Variants in FGD3 observed in about 807,000 individuals in gnomAD.
The protein encoded by FGD3 is FYVE, RhoGEF and PH domain containing 3, also known as FYVE, RhoGEF and PH domain-containing protein 3.
Under a neutral mutation model 71.8 loss-of-function variants are expected in FGD3, and 45 were observed. That is an observed-to-expected ratio of 0.63 (90% confidence interval 0.49 to 0.80). The LOEUF (loss-of-function observed/expected upper bound fraction) is 0.80, where lower values mean the gene tolerates loss of function less well. FGD3 is among the 30% of genes least tolerant of loss of function. The pLI is 0.00. For missense variants in FGD3, 844 were observed against 951.5 expected (o/e 0.89, Z 1.49); for synonymous variants, 378 against 392.8 (o/e 0.96, Z 0.44).
intron 15 of FGD3, chr9:93,032,533 C>T (rs1013002925): frequency 3.7e-6 from 2 of 537,186 alleles, no homozygotes; most frequent in Admixed American, 6.3e-5. Flanking sequence ...GACTCCTGGA[C>T]TCTGGACCCT....
rs1053622101 is a variant in FGD3, at chr9:93,034,389, G to T, written c.1786-152G>T. The T allele has an allele frequency of 4.9e-6, 5 of 1,026,008 alleles. No individual in the cohort carries two copies. The African/African-American group carries it at 4.9e-5, about 10-fold the overall frequency. 63.6% of individuals were successfully genotyped at this position (1,026,008 alleles called of 1,614,324 possible). A position where few individuals can be genotyped will look rare whatever the true frequency, so the allele number is the denominator to read the frequency against. On this transcript the variant is annotated intron_variant, in intron 16 of 17. Coordinates refer to ENST00000375482, the MANE Select transcript of FGD3 (RefSeq NM_001083536.2). Reference sequence around the variant, plus strand: ...GCTTCTAGTGACCCTTGCAAGCCGGGTGAGGCTGGTCCCAGTCTCTGTGCA... The same window carrying T: ...GCTTCTAGTGACCCTTGCAAGCCGGTTGAGGCTGGTCCCAGTCTCTGTGCA...
chr9:93,021,529 A>C (rs1418859894), intron 13 of FGD3, among the ~76,000 whole-genome samples: 2 of 152,144 alleles, frequency 1.3e-5, no homozygotes, highest in Non-Finnish European at 2.9e-5. Context: ...TAGCAAGGAC[A>C]TATCCAGGGA....
intron 3 of FGD3, among the ~76,000 whole-genome samples, chr9:92,991,361 G>A (rs558206006): frequency 1.3e-5 from 2 of 152,284 alleles, no homozygotes; most frequent in South Asian, 2.1e-4. Context: ...TTACAGGTGT[G>A]AGCCATTGCA....
At position 92,991,112 on chromosome 9, in the gene FGD3, C is replaced by T. The variant is rs535621887; in HGVS notation, c.454-11813C>T. Among the ~76,000 whole-genome samples, 134 of 151,856 alleles carry T rather than the reference C, an allele frequency of 8.8e-4. 1 individual carries two copies. The highest frequency in any genetic ancestry group is 2.5e-3 in the African/African-American group (103 of 41,406). ...TTGTTTGTTTTTGAGAGAGTCTCAC[C>T]CTGTCACCCAGGCTGGAGTGCAGTG... On this transcript the variant is annotated intron_variant, in intron 3 of 17. Coordinates refer to ENST00000375482, the MANE Select transcript of FGD3 (RefSeq NM_001083536.2).
rs183718862 is a variant in FGD3, at chr9:93,014,582, T to G, written c.1182+584T>G. ...AAAACTCATTTTTGCTTTACAGTTC[T>G]GAGTTTTGACTAATACAGTTGTGAC... On this transcript the variant is annotated intron_variant, in intron 9 of 17. Coordinates refer to ENST00000375482, the MANE Select transcript of FGD3 (RefSeq NM_001083536.2). Among the ~76,000 whole-genome samples the G allele has an allele frequency of 5.6e-3, 852 of 152,298 alleles. 3 individuals are homozygous for G. Among genetic ancestry groups the G allele is most frequent in the Non-Finnish European group, 9.4e-3 (642 of 68,010 alleles).
intron 15 of FGD3, among the ~76,000 whole-genome samples, chr9:93,031,176 C>T (rs1862344330): frequency 1.3e-5 from 2 of 152,092 alleles, no homozygotes; most frequent in Admixed American, 1.3e-4. Flanking sequence ...GTGATCTGTG[C>T]CTCTTAAAGA....
intron 1 of FGD3, among the ~76,000 whole-genome samples, chr9:92,956,338 A>G (rs963254030): frequency 1.3e-5 from 2 of 152,202 alleles, no homozygotes; most frequent in African/African-American, 2.4e-5. Flanking sequence ...TTGGGGGACT[A>G]TTATGGGCCT....
chr9:92,956,834 C>CTTTTTTTTTTTT lies in FGD3; in HGVS notation c.-218+9108_-218+9109insTTTTTTTTTTTT, dbSNP rs34469364. ...TGAGATCCATCCATATAATTGCTTT[C>CTTTTTTTTTTTT]TTTCTTTTTTTTTTTTTTTTTGAAG... On this transcript the variant is annotated intron_variant, in intron 1 of 17. Coordinates refer to ENST00000375482, the MANE Select transcript of FGD3 (RefSeq NM_001083536.2). Among the ~76,000 whole-genome samples the CTTTTTTTTTTTT allele has an allele frequency of 1.6e-5, 2 of 127,748 alleles. 1 individual carries two copies. The highest frequency in any genetic ancestry group is 3.2e-5 in the Non-Finnish European group (2 of 62,320). 83.8% of individuals were successfully genotyped at this position (127,748 alleles called of 152,430 possible). A position where few individuals can be genotyped will look rare whatever the true frequency, so the allele number is the denominator to read the frequency against.
At chr9:92,975,963 T>C (rs1052966408) in intron 2 of FGD3, among the ~76,000 whole-genome samples, 1 of 152,216 alleles carries the variant, frequency 6.6e-6, no homozygotes, top group African/African-American at 2.4e-5. Context: ...TAATTTTTTT[T>C]ATGCGGAACA....
At chr9:92,989,190 A>G (rs768954772) in intron 3 of FGD3, among the ~76,000 whole-genome samples, 2 of 152,138 alleles carry the variant, frequency 1.3e-5, no homozygotes, top group Non-Finnish European at 2.9e-5. Context: ...AGCTGGGACT[A>G]CAGATGCGTG....
intron 1 of FGD3, among the ~76,000 whole-genome samples, chr9:92,948,115 C>T (rs1484099510): frequency 6.6e-6 from 1 of 152,016 alleles, no homozygotes; most frequent in African/African-American, 2.4e-5. Flanking sequence ...CCCATTCTTC[C>T]CATTTCTTTT....
intron 11 of FGD3, 131 bp from the exon 12 acceptor site, chr9:93,019,700 A>G: frequency 1.1e-6 from 1 of 891,562 alleles, no homozygotes; most frequent in Non-Finnish European, 1.8e-6. Flanking sequence ...CCTTGGGGCC[A>G]ATCTTCCAAT....
At chr9:93,029,385 G>A (rs1292377996) in intron 14 of FGD3, among the ~76,000 whole-genome samples, 3 of 152,160 alleles carry the variant, frequency 2.0e-5, no homozygotes, top group Non-Finnish European at 4.4e-5. Context: ...TCAGGCATGT[G>A]GGTGCACACC....
intron 1 of FGD3, among the ~76,000 whole-genome samples, chr9:92,970,200 C>G (rs575264813): frequency 1.3e-5 from 2 of 152,314 alleles, no homozygotes; most frequent in South Asian, 4.1e-4. Flanking sequence ...TGAGCCTCGG[C>G]GTCCTCATAT....
In FGD3 at chr9:93,029,896, C is replaced by G; in HGVS notation, c.1580C>G (p.Ser527Cys). 6.2e-7 allele frequency: 1 copy of G among 1,613,386 alleles called. No homozygotes were observed. The highest frequency in any genetic ancestry group is 8.5e-7 in the Non-Finnish European group (1 of 1,179,566). ...TAGCTCGAGCCCAGAAAACTATCCT[C>G]TAAGACCAGACGTGACAAGGAGAAG... The part of the protein sequence containing the change: ...AAGLEPRKLS[S>C]KTRRDKEKQS... Residue 527 changes from serine (S) to cysteine (C), a missense_variant, in exon 15 of 18, where the codon TCT becomes TGT. Transcript: ENST00000375482.
chr9:93,012,394 A>G (rs1333707070), intron 8 of FGD3, among the ~76,000 whole-genome samples: 2 of 152,110 alleles, frequency 1.3e-5, no homozygotes, highest in African/African-American at 4.8e-5. Context: ...GTCCTGCCCC[A>G]CAAAGTGGTC....
At chr9:92,987,952 G>A (rs958691376) in intron 3 of FGD3, among the ~76,000 whole-genome samples, 1 of 152,160 alleles carries the variant, frequency 6.6e-6, no homozygotes, top group Non-Finnish European at 1.5e-5. Context: ...TTGGGAGACT[G>A]CATTTCCCTG....
At chr9:92,954,266 C>G (rs1267895703) in intron 1 of FGD3, among the ~76,000 whole-genome samples, 3 of 152,168 alleles carry the variant, frequency 2.0e-5, no homozygotes, top group African/African-American at 7.2e-5. Flanking sequence ...CATCCAAAGC[C>G]ACACAGGAAT....
chr9:92,950,532 GC>G (rs1313314655), intron 1 of FGD3, among the ~76,000 whole-genome samples: 1 of 152,194 alleles, frequency 6.6e-6, no homozygotes, highest in African/African-American at 2.4e-5. Context: ...GGAGGCTCCA[GC>G]CCCACGCAGC....
Sources: gnomAD v4.1 joint callset for allele counts (sites outside exome capture counted in the v4.1 genomes callset) on GRCh38, gnomAD v4.1.1 for gene constraint, MANE v1.5 for transcripts, NCBI Gene and HGNC (gene_info 2026-07-23, HGNC 2026-07-21) for gene names.